SEM1: variants seen among roughly 807,000 people sequenced by gnomAD.
SEM1 encodes SEM1 26S proteasome subunit.
SEM1 carries 3 observed loss-of-function variants against 12.7 expected under a neutral mutation model. The ratio of observed to expected loss-of-function variants is 0.24; its 90% confidence interval spans 0.11 to 0.61. The LOEUF (loss-of-function observed/expected upper bound fraction) is 0.61, where lower values mean the gene tolerates loss of function less well. SEM1 is among the 20% of genes least tolerant of loss of function. The pLI, the probability that SEM1 is intolerant of heterozygous loss-of-function variation, is 0.88. For missense variants in SEM1, 59 were observed against 81.3 expected (o/e 0.73, Z 1.06); for synonymous variants, 30 against 27.8 (o/e 1.08, Z -0.25).
intron 2 of SEM1, among the ~76,000 whole-genome samples, chr7:96,615,518 G>C (rs923748071): frequency 3.0e-4 from 46 of 152,068 alleles, no homozygotes; most frequent in Non-Finnish European, 1.3e-4. Flanking sequence ...GCCTCCCAAA[G>C]TGCTGGGATT....
chr7:96,700,575 C>T (rs1790239734), intron 1 of SEM1, among the ~76,000 whole-genome samples: 2 of 152,196 alleles, frequency 1.3e-5, no homozygotes, highest in Admixed American at 6.5e-5. Flanking sequence ...CCTCACACTT[C>T]AAACCATGTT....
chr7:96,704,010 C>CACAT (rs1390081341), intron 1 of SEM1, among the ~76,000 whole-genome samples: 2 of 143,744 alleles, frequency 1.4e-5, no homozygotes, highest in South Asian at 2.3e-4. Context: ...CACACACACA[C>CACAT]ATACATAAAA....
exon 2 of SEM1, chr7:96,486,323 G>T: frequency 6.5e-7 from 1 of 1,537,056 alleles, no homozygotes; most frequent in Non-Finnish European, 8.7e-7. Flanking sequence ...CCGCTGAGCT[G>T]GGCTTCTTAT....
At chr7:96,633,444 G>GT (rs1250329523) in intron 2 of SEM1, among the ~76,000 whole-genome samples, 3 of 152,010 alleles carry the variant, frequency 2.0e-5, no homozygotes, top group African/African-American at 7.2e-5. Flanking sequence ...TATTTTCAGA[G>GT]TTTAAAAATA....
intron 2 of SEM1, among the ~76,000 whole-genome samples, chr7:96,553,434 C>T (rs1805363515): frequency 6.7e-6 from 1 of 148,886 alleles, no homozygotes; most frequent in South Asian, 2.2e-4. Flanking sequence ...TTTCCCAGCA[C>T]CATTTATTAA....
chr7:96,496,817 A>G (rs1803289004), upstream of SEM1, among the ~76,000 whole-genome samples: 1 of 152,116 alleles, frequency 6.6e-6, no homozygotes, highest in Non-Finnish European at 1.5e-5. Context: ...TTTCATTTCA[A>G]GGGCATTTTT....
intron 2 of SEM1, among the ~76,000 whole-genome samples, chr7:96,596,152 T>G (rs1234555844): frequency 6.6e-6 from 1 of 152,244 alleles, no homozygotes; most frequent in South Asian, 2.1e-4. Flanking sequence ...AGGATCAGAT[T>G]GTTAGGGAAC....
In SEM1 at chr7:96,484,701, C is replaced by T. The variant is rs570940791; in HGVS notation, c.257+124G>A. The T allele has an allele frequency of 2.8e-5, 12 of 425,250 alleles. No individual in the cohort carries two copies. In the East Asian group the frequency reaches 4.4e-4, roughly 15 times the overall value. 26.3% of individuals were successfully genotyped at this position (425,250 alleles called of 1,614,324 possible). ...GTTATTCCACTCACTTACCAAAAAG[C>T]GCCTCCCAAATCCTAACTCTTCCGA... On this transcript the variant is annotated intron_variant, in intron 3 of 3. Coordinates refer to the SEM1 transcript ENST00000356686.
At chr7:96,517,348 C>T (rs926288925) in intron 2 of SEM1, among the ~76,000 whole-genome samples, 1 of 152,018 alleles carries the variant, frequency 6.6e-6, no homozygotes, top group Non-Finnish European at 1.5e-5. Context: ...AATCTCTGTA[C>T]CTTCCTCTCA....
At chr7:96,582,578 T>C (rs915961521) in intron 2 of SEM1, among the ~76,000 whole-genome samples, 73 of 152,328 alleles carry the variant, frequency 4.8e-4, no homozygotes, top group Middle Eastern at 3.4e-3. Flanking sequence ...TCTGGTAGAA[T>C]TCGGCTGTGA....
exon 4 of SEM1, chr7:96,482,968 T>C (rs1802604886): frequency 6.6e-6 from 1 of 152,170 alleles, no homozygotes; most frequent in Non-Finnish European, 1.5e-5. Context: ...TGGATTAGCC[T>C]GTTCTGGATT....
chr7:96,495,676 T>C (rs1018429699), intron 1 of SEM1, among the ~76,000 whole-genome samples: 2 of 152,192 alleles, frequency 1.3e-5, no homozygotes, highest in Non-Finnish European at 2.9e-5. Context: ...TTTTCCAGTT[T>C]CCGCGATCTT....
chr7:96,693,201 T>C (rs936390343), intron 2 of SEM1, among the ~76,000 whole-genome samples: 2 of 152,066 alleles, frequency 1.3e-5, no homozygotes, highest in African/African-American at 2.4e-5. Flanking sequence ...ACAAGCTTAC[T>C]AGACTAGTAA....
intron 2 of SEM1, among the ~76,000 whole-genome samples, chr7:96,682,370 C>G (rs929076389): frequency 2.6e-5 from 4 of 151,928 alleles, no homozygotes; most frequent in Non-Finnish European, 5.9e-5. Flanking sequence ...ATGTGAATAC[C>G]CTTTATTTCT....
chr7:96,556,003 G>A (rs1196311517), intron 2 of SEM1, among the ~76,000 whole-genome samples: 3 of 95,284 alleles, frequency 3.1e-5, no homozygotes, highest in Non-Finnish European at 8.2e-5. Flanking sequence ...TCAGAGACTA[G>A]GATTGCAACC....
At chr7:96,598,144 A>G (rs1025467898) in intron 2 of SEM1, among the ~76,000 whole-genome samples, 1 of 152,198 alleles carries the variant, frequency 6.6e-6, no homozygotes, top group Non-Finnish European at 1.5e-5. Flanking sequence ...GAGCCAAACT[A>G]TAAATACTTT....
At chr7:96,597,774 C>T (rs889645073) in intron 2 of SEM1, among the ~76,000 whole-genome samples, 1 of 151,830 alleles carries the variant, frequency 6.6e-6, no homozygotes, top group Non-Finnish European at 1.5e-5. Context: ...CAGTAAAATG[C>T]CTCCTCACTC....
intron 2 of SEM1, among the ~76,000 whole-genome samples, chr7:96,509,306 A>G (rs77111628): frequency 0.052 from 7,834 of 151,846 alleles, 684 homozygotes; most frequent in African/African-American, 0.18. Context: ...CCTCCCAATC[A>G]AGAGACGCAA....
At chr7:96,497,031 A>ACG, upstream of SEM1, among the ~76,000 whole-genome samples, 1 of 151,586 alleles carries the variant, frequency 6.6e-6, no homozygotes, top group Non-Finnish European at 1.5e-5. Context: ...ACACACACAC[A>ACG]CTCTGTCATA....
Sources: allele counts gnomAD v4.1 joint callset (sites outside exome capture counted in the v4.1 genomes callset), GRCh38; gene constraint gnomAD v4.1.1; transcripts MANE v1.5; gene names NCBI Gene and HGNC (gene_info 2026-07-23, HGNC 2026-07-21).